Variants in DCC observed in about 807,000 individuals in gnomAD.
DCC encodes the protein DCC netrin 1 receptor, also known as netrin receptor DCC.
Under a neutral mutation model 172.5 loss-of-function variants are expected in DCC, and 58 were observed. That is an observed-to-expected ratio of 0.34 (90% CI 0.27 to 0.42). The LOEUF is 0.42. DCC is among the 10% of genes least tolerant of loss of function. The pLI, the probability that DCC is intolerant of heterozygous loss-of-function variation, is 1.00. For missense variants in DCC, 1,740 were observed against 1,791.0 expected (o/e 0.97, Z 0.51); for synonymous variants, 709 against 644.5 (o/e 1.10, Z -1.52).
intron 5 of DCC, among the ~76,000 whole-genome samples, chr18:53,016,131 ATCTTC>A (rs2041805062): frequency 6.6e-6 from 1 of 152,096 alleles, no homozygotes; most frequent in Non-Finnish European, 1.5e-5. Flanking sequence ...TTGTCTGTCC[ATCTTC>A]TCAAGCTCCA....
chr18:52,714,772 CCT>C (rs146790071), intron 1 of DCC, among the ~76,000 whole-genome samples: 3 of 151,538 alleles, frequency 2.0e-5, no homozygotes, highest in Non-Finnish European at 2.9e-5. Context: ...ATAATTCTAT[CCT>C]CTCTCTCTCT....
chr18:53,140,485 A>G (rs1019943075), intron 7 of DCC, among the ~76,000 whole-genome samples: 6 of 152,192 alleles, frequency 3.9e-5, no homozygotes, highest in African/African-American at 1.4e-4. Flanking sequence ...TATGCCCCCA[A>G]ATATAATAGA....
chr18:52,667,176 A>G (rs1239683470), intron 1 of DCC, among the ~76,000 whole-genome samples: 2 of 152,132 alleles, frequency 1.3e-5, no homozygotes, highest in Non-Finnish European at 2.9e-5. Context: ...AAGATTTGAG[A>G]AAGCTCAGTT....
At chr18:52,754,430 G>A (rs1028695595) in intron 2 of DCC, among the ~76,000 whole-genome samples, 2 of 152,090 alleles carry the variant, frequency 1.3e-5, no homozygotes, top group Non-Finnish European at 2.9e-5. Flanking sequence ...TAGATCATGG[G>A]GTGGAGCCCT....
chr18:52,803,429 A>C (rs967213593), intron 2 of DCC, among the ~76,000 whole-genome samples: 1 of 152,172 alleles, frequency 6.6e-6, no homozygotes, highest in African/African-American at 2.4e-5. Flanking sequence ...TTATGCATTT[A>C]TTAGTTAATG....
chr18:53,091,287 A>G (rs187732550), intron 7 of DCC, among the ~76,000 whole-genome samples: 80 of 147,608 alleles, frequency 5.4e-4, no homozygotes, highest in African/African-American at 1.9e-3. Flanking sequence ...ATCAAAGAGA[A>G]TAACATGAAA....
At chr18:53,183,528 G>A (rs2055231025) in intron 9 of DCC, among the ~76,000 whole-genome samples, 1 of 152,036 alleles carries the variant, frequency 6.6e-6, no homozygotes, top group Non-Finnish European at 1.5e-5. Context: ...TAATCATAAA[G>A]GATGTTAAAA....
intron 2 of DCC, among the ~76,000 whole-genome samples, chr18:52,806,596 T>C (rs913606182): frequency 8.5e-5 from 13 of 152,314 alleles, no homozygotes; most frequent in Middle Eastern, 3.4e-3. Flanking sequence ...ATAAAGGGCA[T>C]CTTTAATGAA....
rs945187156 is a variant in DCC at position 53,518,385 on chromosome 18, C to T, written c.4112-8232C>T. 9.2e-5 allele frequency among the ~76,000 whole-genome samples: 14 copies of T among 152,062 alleles called. 1 individual carries two copies. Among genetic ancestry groups the T allele is most frequent in the South Asian group, 8.3e-4 (4 of 4,828 alleles). ...CCTGGTGAGCATTTTTAGAGCATTC[C>T]GGCTGCAGCCTAATGTTTCTCACCC... On this transcript the variant is annotated intron_variant, in intron 27 of 28. Coordinates refer to ENST00000442544, the MANE Select transcript of DCC (RefSeq NM_005215.4).
At chr18:52,989,888 A>C (rs1485875362) in intron 5 of DCC, among the ~76,000 whole-genome samples, 1 of 152,142 alleles carries the variant, frequency 6.6e-6, no homozygotes, top group Non-Finnish European at 1.5e-5. Context: ...CAGCTCCAGT[A>C]CCCACATGTC....
chr18:52,916,230 G>A (rs1386558971), intron 3 of DCC, among the ~76,000 whole-genome samples: 1 of 146,832 alleles, frequency 6.8e-6, no homozygotes, highest in South Asian at 2.1e-4. Context: ...TTTTCTTCAT[G>A]AAACACCATT....
chr18:53,410,221 G>C (rs1344752494), intron 19 of DCC, among the ~76,000 whole-genome samples: 2 of 152,096 alleles, frequency 1.3e-5, no homozygotes, highest in Non-Finnish European at 2.9e-5. Flanking sequence ...AAATGTGGCA[G>C]ATATTTTTAC....
chr18:53,022,579 C>T lies in DCC; in HGVS notation c.986-40726C>T, dbSNP rs560857522. Among the ~76,000 whole-genome samples, 359 of 150,280 alleles carry T rather than the reference C, an allele frequency of 2.4e-3. 1 individual carries two copies. The highest frequency in any genetic ancestry group is 6.8e-3 in the African/African-American group (276 of 40,694). On this transcript the variant is annotated intron_variant, in intron 5 of 28. Transcript: ENST00000442544. ...TGTGTGTGTGTGTGTGTATCACTAACGGAACACCATGGGAAAACTAGGAAC... is the reference window on the plus strand; with the variant it reads ...TGTGTGTGTGTGTGTGTATCACTAATGGAACACCATGGGAAAACTAGGAAC...
chr18:53,424,107 G>T (rs1297340464), intron 21 of DCC, among the ~76,000 whole-genome samples: 1 of 152,172 alleles, frequency 6.6e-6, no homozygotes, highest in Non-Finnish European at 1.5e-5. Flanking sequence ...TCAGCTGATG[G>T]TAGTTACATT....
intron 7 of DCC, among the ~76,000 whole-genome samples, chr18:53,099,833 A>C (rs868331439): frequency 6.6e-6 from 1 of 151,768 alleles, no homozygotes; most frequent in African/African-American, 2.4e-5. Flanking sequence ...AGTTGTCAAC[A>C]TTGTTGCCTT....
chr18:52,830,883 T>C (rs1348278961), intron 2 of DCC, among the ~76,000 whole-genome samples: 1 of 152,112 alleles, frequency 6.6e-6, no homozygotes, highest in Non-Finnish European at 1.5e-5. Context: ...AGCCTTGTCC[T>C]CATGGAGTTG....
intron 1 of DCC, among the ~76,000 whole-genome samples, chr18:52,470,164 G>A (rs1988906462): frequency 6.6e-6 from 1 of 152,174 alleles, no homozygotes; most frequent in African/African-American, 2.4e-5. Flanking sequence ...TCTTTAAAAG[G>A]AGAATATAAC....
chr18:52,786,840 G>T (rs2037669812), intron 2 of DCC, among the ~76,000 whole-genome samples: 1 of 152,050 alleles, frequency 6.6e-6, no homozygotes. Context: ...AGCTCTGCAA[G>T]TCGAGATTGA....
At chr18:52,606,884 G>A (rs1226295622) in intron 1 of DCC, among the ~76,000 whole-genome samples, 1 of 152,112 alleles carries the variant, frequency 6.6e-6, no homozygotes, top group Non-Finnish European at 1.5e-5. Flanking sequence ...GAGCTGTGAT[G>A]ACTTCCTGAT....
Sources: gnomAD v4.1 joint callset for allele counts (sites outside exome capture counted in the v4.1 genomes callset) on GRCh38, gnomAD v4.1.1 for gene constraint, MANE v1.5 for transcripts, NCBI Gene and HGNC (gene_info 2026-07-23, HGNC 2026-07-21) for gene names.